CHSY1: variants seen among roughly 807,000 people sequenced by gnomAD.
CHSY1 encodes chondroitin sulfate synthase 1, also known as N-acetylgalactosaminyl-proteoglycan 3-beta-glucuronosyltransferase 1.
A neutral mutation model predicts 59.8 loss-of-function variants in CHSY1; 13 were observed. The observed-to-expected ratio is 0.22, with a 90% CI of 0.14 to 0.35. CHSY1 has a LOEUF of 0.35. CHSY1 is among the 10% of genes least tolerant of loss of function. The pLI is 1.00. For synonymous variants in CHSY1, 459 were observed against 401.2 expected (o/e 1.14, Z -1.72); for missense variants, 947 against 1,030.6 (o/e 0.92, Z 1.11).
chr15:101,229,916 AATG>A (rs1304164666), intron 2 of CHSY1, among the ~76,000 whole-genome samples: 1 of 151,758 alleles, frequency 6.6e-6, no homozygotes, highest in Non-Finnish European at 1.5e-5. Context: ...CAAAAATAAT[AATG>A]ATGATATTAG....
At chr15:101,189,331 G>T in intron 2 of CHSY1, 1 of 582,716 alleles carries the variant, frequency 1.7e-6, no homozygotes, top group Non-Finnish European at 2.2e-6. Context: ...CGTCACACGT[G>T]ACCCAACATG....
At chr15:101,204,435 A>AAATAAT (rs56793692) in intron 2 of CHSY1, among the ~76,000 whole-genome samples, 12,549 of 143,826 alleles carry the variant, frequency 0.087, 560 homozygotes, top group East Asian at 0.12. Flanking sequence ...ACTCCATCTC[A>AAATAAT]AATAATAATA....
At chr15:101,248,158 G>A (rs759130359) in intron 1 of CHSY1, among the ~76,000 whole-genome samples, 1 of 152,166 alleles carries the variant, frequency 6.6e-6, no homozygotes, top group Non-Finnish European at 1.5e-5. Flanking sequence ...TCTACCTTGT[G>A]CTAGAAGAGT....
chr15:101,248,405 G>A (rs2039071828), intron 1 of CHSY1, among the ~76,000 whole-genome samples: 1 of 152,176 alleles, frequency 6.6e-6, no homozygotes, highest in Admixed American at 6.5e-5. Context: ...AGAGGCAAAG[G>A]ACCCTAACTG....
rs1401142742 is a variant in CHSY1, at chr15:101,251,710, T to C, written c.-254A>G. The C allele has an allele frequency of 6.8e-6, 1 of 147,298 alleles. No individual in the cohort carries two copies. The highest frequency in any genetic ancestry group is 2.5e-5 in the African/African-American group (1 of 40,662). The allele number at this position is 147,298 out of a possible 1,614,324, so 9.1% of individuals were successfully genotyped here. On this transcript the variant is annotated 5_prime_UTR_variant, in exon 1 of 3. Coordinates refer to ENST00000254190, the MANE Select transcript of CHSY1 (RefSeq NM_014918.5). ...AGAGGGGACCATGCCCGGCGCGCGC[T>C]AGCGGCGGCTCGGGCGCGAGGTGGC...
chr15:101,229,078 T>TA (rs1301297340), intron 2 of CHSY1, among the ~76,000 whole-genome samples: 1 of 152,010 alleles, frequency 6.6e-6, no homozygotes, highest in Admixed American at 6.6e-5. Context: ...AGGCGACTAC[T>TA]AAAAAATACA....
intron 1 of CHSY1, among the ~76,000 whole-genome samples, chr15:101,237,900 G>C (rs1023430245): frequency 6.6e-6 from 1 of 152,154 alleles, no homozygotes. Flanking sequence ...TATTTTACCT[G>C]TTACAAGTGT....
rs2038202679 is a variant in CHSY1 at position 101,177,229 on chromosome 15, C to CCA, written c.*158_*159insTG. 1.5e-6 allele frequency: 1 copy of CCA among 646,226 alleles called. No individual in the cohort carries two copies. The allele number at this position is 646,226 out of a possible 1,614,324, so 40.0% of individuals were successfully genotyped here. A position where few individuals can be genotyped will look rare whatever the true frequency, so the allele number is the denominator to read the frequency against. On this transcript the variant is annotated 3_prime_UTR_variant, in exon 3 of 3. Transcript: ENST00000254190. The stretch of plus-strand genomic sequence containing the variant: ...GATGTGTTCAAAGGCAAACACTGAT[C>CCA]ACCTTCTTGTTCAGAAAGCTCAATC...
At chr15:101,217,861 G>A (rs1023364371) in intron 2 of CHSY1, among the ~76,000 whole-genome samples, 4 of 152,186 alleles carry the variant, frequency 2.6e-5, no homozygotes, top group Non-Finnish European at 5.9e-5. Context: ...CTGCATATTA[G>A]TGACCTTCTC....
In CHSY1 at chr15:101,220,121, C is replaced by A. The variant is rs567456611; in HGVS notation, c.816+14961G>T. Reference sequence around the variant, plus strand: ...TCTCCCAAATACCTGCCATCCAAGTCAACTATTAATGTAATAAGTACCCAA... The same window carrying A: ...TCTCCCAAATACCTGCCATCCAAGTAAACTATTAATGTAATAAGTACCCAA... On this transcript the variant is annotated intron_variant, in intron 2 of 2. Transcript: ENST00000254190. Among the ~76,000 whole-genome samples the A allele has an allele frequency of 9.2e-5, 14 of 152,304 alleles. No homozygotes were observed. The East Asian group carries it at 2.3e-3, about 25-fold the overall frequency.
chr15:101,241,872 A>T (rs1230942976), intron 1 of CHSY1, among the ~76,000 whole-genome samples: 1 of 152,206 alleles, frequency 6.6e-6, no homozygotes, highest in African/African-American at 2.4e-5. Flanking sequence ...CAGGACCCCA[A>T]AATCCACAGA....
At chr15:101,218,320 G>A (rs984891479) in intron 2 of CHSY1, among the ~76,000 whole-genome samples, 5 of 152,190 alleles carry the variant, frequency 3.3e-5, no homozygotes, top group African/African-American at 9.7e-5. Context: ...CTCCAGCTGG[G>A]CACAGTGGCT....
intron 2 of CHSY1, among the ~76,000 whole-genome samples, chr15:101,208,783 A>G (rs565734618): frequency 7.9e-5 from 12 of 152,314 alleles, no homozygotes; most frequent in African/African-American, 2.9e-4. Flanking sequence ...AAGGTGATGT[A>G]AACATGGAAA....
chr15:101,220,443 T>G (rs573550431), intron 2 of CHSY1, among the ~76,000 whole-genome samples: 1 of 152,314 alleles, frequency 6.6e-6, no homozygotes, highest in Non-Finnish European at 1.5e-5. Context: ...ATTCAACTGC[T>G]CAGGCAACCT....
intron 2 of CHSY1, among the ~76,000 whole-genome samples, chr15:101,215,470 C>T (rs1236245147): frequency 6.6e-6 from 1 of 152,222 alleles, no homozygotes; most frequent in Non-Finnish European, 1.5e-5. Context: ...CGTGGTGGCT[C>T]ACGCCTGTAA....
At chr15:101,219,412 A>C (rs528999667) in intron 2 of CHSY1, among the ~76,000 whole-genome samples, 53 of 152,372 alleles carry the variant, frequency 3.5e-4, no homozygotes, top group African/African-American at 1.1e-3. Flanking sequence ...TGCAGTTGGT[A>C]AAGGTATAAA....
Position 101,178,394 on chromosome 15 carries a change from C to A in CHSY1, c.1403G>T (p.Arg468Met). 1 of 1,612,154 alleles carries A rather than the reference C, an allele frequency of 6.2e-7. No homozygotes were observed. The highest frequency in any genetic ancestry group is 2.2e-5 in the East Asian group (1 of 44,838). ...AGTCTGCTGTAAATACGCGTGCCTC[C>A]TCACAGGGACCGTCATTTTCTTCCC... ...HKGKKMTVPV[R>M]RHAYLQQTFS... Residue 468 changes from arginine to methionine, a missense_variant, in exon 3 of 3, where the codon AGG becomes ATG. By Grantham distance (91) the Arg-to-Met change is moderately conservative (BLOSUM62 -1). Coordinates refer to ENST00000254190, the MANE Select transcript of CHSY1 (RefSeq NM_014918.5).
At chr15:101,188,746 G>C (rs1032821966) in intron 2 of CHSY1, among the ~76,000 whole-genome samples, 1 of 152,142 alleles carries the variant, frequency 6.6e-6, no homozygotes, top group East Asian at 1.9e-4. Context: ...GTAATTCAAG[G>C]CTTCTGCATA....
chr15:101,205,968 G>A (rs892820256), intron 2 of CHSY1, among the ~76,000 whole-genome samples: 4 of 151,848 alleles, frequency 2.6e-5, no homozygotes, highest in African/African-American at 4.8e-5. Flanking sequence ...AAAAAAAGAA[G>A]ATTGTTTATT....
Sources: allele counts gnomAD v4.1 joint callset (sites outside exome capture counted in the v4.1 genomes callset), GRCh38; gene constraint gnomAD v4.1.1; transcripts MANE v1.5; gene names NCBI Gene and HGNC (gene_info 2026-07-23, HGNC 2026-07-21).